Variants in DAW1 observed in about 807,000 individuals in gnomAD.
DAW1 encodes dynein assembly factor with WD repeat domains 1.
DAW1 carries 47 observed loss-of-function variants against 56.5 expected under a neutral mutation model. The ratio of observed to expected loss-of-function variants is 0.83; its 90% CI spans 0.66 to 1.06. DAW1 has a LOEUF of 1.06. Ranked by LOEUF, DAW1 falls within the 50% of genes least tolerant of loss-of-function variation. DAW1 has a pLI of 0.00. For missense variants in DAW1, 505 were observed against 499.3 expected (o/e 1.01, Z -0.11); for synonymous variants, 190 against 179.0 (o/e 1.06, Z -0.49).
rs5839240 is a variant in DAW1, at chr2:227,896,593, A to AGTGTGTGTGT, written c.441-1560_441-1551dup. Reference sequence around the variant, plus strand: ...ACACAATCACCAAAGAATAAGAGGGAGTGTGTGTGTGTGTGTGTGTGTGTG... The same window carrying AGTGTGTGTGT: ...ACACAATCACCAAAGAATAAGAGGGAGTGTGTGTGTGTGTGTGTGTGTGTGTGTGTGTGTG... On this transcript the variant is annotated intron_variant, in intron 5 of 12. Coordinates refer to ENST00000309931, the MANE Select transcript of DAW1 (RefSeq NM_178821.3). 4.5e-3 allele frequency among the ~76,000 whole-genome samples: 649 copies of AGTGTGTGTGT among 143,658 alleles called. 4 individuals are homozygous for AGTGTGTGTGT. Among genetic ancestry groups the AGTGTGTGTGT allele is most frequent in the East Asian group, 0.015 (73 of 4,894 alleles). 94.2% of individuals were successfully genotyped at this position (143,658 alleles called of 152,430 possible). A position where few individuals can be genotyped will look rare whatever the true frequency, so the allele number is the denominator to read the frequency against.
intron 6 of DAW1, among the ~76,000 whole-genome samples, chr2:227,900,805 T>C (rs1691523099): frequency 6.6e-6 from 1 of 152,008 alleles, no homozygotes; most frequent in Non-Finnish European, 1.5e-5. Context: ...TGGCCAGAGG[T>C]GATGGGCAAG....
intron 1 of DAW1, among the ~76,000 whole-genome samples, chr2:227,872,829 A>C (rs1306418594): frequency 2.0e-5 from 3 of 151,338 alleles, no homozygotes; most frequent in African/African-American, 7.3e-5. Context: ...ACCTAGTCCA[A>C]CCCTCCATTC....
At chr2:227,921,722 T>A (rs1258606963) in intron 12 of DAW1, among the ~76,000 whole-genome samples, 161 bp downstream of exon 12, 1 of 152,174 alleles carries the variant, frequency 6.6e-6, no homozygotes, top group African/African-American at 2.4e-5. Flanking sequence ...AATTTTAGTT[T>A]TATGAGGACC....
rs116034985 is a variant in DAW1, at chr2:227,912,207, T to C, written c.973+4955T>C. 1.8e-3 allele frequency: 716 copies of C among 395,414 alleles called. 9 individuals carry two copies. The highest frequency in any genetic ancestry group is 0.014 in the African/African-American group (684 of 47,820). The allele number at this position is 395,414 out of a possible 1,614,324, so 24.5% of individuals were successfully genotyped here. A position where few individuals can be genotyped will look rare whatever the true frequency, so the allele number is the denominator to read the frequency against. Reference sequence around the variant, plus strand: ...TCCATGGTCAACATGTATGATGTTATGCTATATCTATGTCACCTTCTTTCT... The same window carrying C: ...TCCATGGTCAACATGTATGATGTTACGCTATATCTATGTCACCTTCTTTCT... On this transcript the variant is annotated intron_variant, in intron 10 of 12. Coordinates refer to ENST00000309931, the MANE Select transcript of DAW1 (RefSeq NM_178821.3).
intron 6 of DAW1, among the ~76,000 whole-genome samples, chr2:227,900,729 T>A (rs532703436): frequency 6.6e-6 from 1 of 152,204 alleles, no homozygotes; most frequent in South Asian, 2.1e-4. Context: ...ACCCTCCATG[T>A]GGTGGCATGT....
rs546112583 is a variant in DAW1 at position 227,895,935 on chromosome 2, G to A, written c.440+2018G>A. 2.6e-5 allele frequency among the ~76,000 whole-genome samples: 4 copies of A among 152,266 alleles called. No individual in the cohort carries two copies. In the East Asian group the frequency reaches 7.7e-4, roughly 29 times the overall value. On this transcript the variant is annotated intron_variant, in intron 5 of 12. Transcript: ENST00000309931. ...TGATACCATAATACACTCATTGCTTGGGAAGGGGCAGGAAGAATAGAGGAA... is the reference window on the plus strand; with the variant it reads ...TGATACCATAATACACTCATTGCTTAGGAAGGGGCAGGAAGAATAGAGGAA...
intron 10 of DAW1, among the ~76,000 whole-genome samples, chr2:227,914,667 G>C (rs973473482): frequency 1.3e-5 from 2 of 151,874 alleles, no homozygotes; most frequent in East Asian, 1.9e-4. Flanking sequence ...GATCACTTAT[G>C]AGGATACATG....
rs1467502954 is a variant in DAW1, at chr2:227,903,542, G to A, written c.648+433G>A. Among the ~76,000 whole-genome samples, 14 of 152,284 alleles carry A rather than the reference G, an allele frequency of 9.2e-5. No homozygotes were observed. The South Asian group carries it at 2.5e-3, about 27-fold the overall frequency. ...GACAGAGGGGCAAGTGACCAGAGGG[G>A]AAAAGGCCAAAGGGCTCTGCCCACA... On this transcript the variant is annotated intron_variant, in intron 7 of 12. Transcript: ENST00000309931.
At chr2:227,871,964 AGTCT>A (rs1056272302) in intron 1 of DAW1, among the ~76,000 whole-genome samples, 5 of 152,370 alleles carry the variant, frequency 3.3e-5, no homozygotes, top group Admixed American at 3.3e-4. Flanking sequence ...TGTGCATGTC[AGTCT>A]GTCTGCATTT....
At chr2:227,899,033 G>A (rs932236385) in intron 6 of DAW1, among the ~76,000 whole-genome samples, 1 of 152,040 alleles carries the variant, frequency 6.6e-6, no homozygotes, top group Admixed American at 6.6e-5. Flanking sequence ...TCTGATACTC[G>A]AAACAGCTTT....
intron 2 of DAW1, among the ~76,000 whole-genome samples, chr2:227,886,346 G>A (rs1258046251): frequency 2.0e-5 from 3 of 152,146 alleles, no homozygotes; most frequent in Non-Finnish European, 4.4e-5. Flanking sequence ...GCTGGGCGTG[G>A]TTGCTCACAC....
chr2:227,910,495 A>AACACACACACACACACAC (rs55741229), intron 10 of DAW1, among the ~76,000 whole-genome samples: 2,429 of 145,284 alleles, frequency 0.017, 30 homozygotes, highest in Non-Finnish European at 0.025. Flanking sequence ...TTTGTGGATG[A>AACACACACACACACACAC]ACACACACAC....
chr2:227,873,062 T>C (rs2106181766), intron 1 of DAW1, among the ~76,000 whole-genome samples: 1 of 152,328 alleles, frequency 6.6e-6, no homozygotes, highest in East Asian at 1.9e-4. Flanking sequence ...ACCCTCACTA[T>C]ACTTCTGACT....
chr2:227,896,571 C>T (rs749787705), intron 5 of DAW1, among the ~76,000 whole-genome samples: 23 of 150,356 alleles, frequency 1.5e-4, no homozygotes, highest in Non-Finnish European at 3.0e-4. Context: ...AAATTCAACA[C>T]AATCACCAAA....
intron 10 of DAW1, among the ~76,000 whole-genome samples, chr2:227,911,272 ATACACGTG>A (rs1325148519): frequency 1.4e-5 from 2 of 144,932 alleles, no homozygotes; most frequent in Non-Finnish European, 3.0e-5. Flanking sequence ...ATATACACAT[ATACACGTG>A]TATATATACA....
chr2:227,876,846 T>A (rs546821784), intron 1 of DAW1, among the ~76,000 whole-genome samples: 307 of 152,340 alleles, frequency 2.0e-3, no homozygotes, highest in Non-Finnish European at 3.4e-3. Flanking sequence ...GCTAACTCAG[T>A]TATGACAATT....
At chr2:227,909,919 T>C (rs1691776159) in intron 10 of DAW1, among the ~76,000 whole-genome samples, 1 of 152,140 alleles carries the variant, frequency 6.6e-6, no homozygotes, top group Non-Finnish European at 1.5e-5. Context: ...GGGTATCCCT[T>C]AACACAGTCA....
intron 11 of DAW1, among the ~76,000 whole-genome samples, chr2:227,920,128 T>C (rs1416655480): frequency 6.6e-5 from 10 of 152,216 alleles, no homozygotes; most frequent in Non-Finnish European, 1.3e-4. Flanking sequence ...GTGTGTCTCC[T>C]CCATAAGTAA....
rs577625285 is a variant in DAW1, at chr2:227,880,743, T to A, written c.41-4608T>A. ...GAGAAAAATTCCCTCTGAGAGATCATAGCTGTGCAGCTGAGTGGGTAGTGA... is the reference window on the plus strand; with the variant it reads ...GAGAAAAATTCCCTCTGAGAGATCAAAGCTGTGCAGCTGAGTGGGTAGTGA... On this transcript the variant is annotated intron_variant, in intron 1 of 12. Transcript: ENST00000309931. Among the ~76,000 whole-genome samples the A allele has an allele frequency of 5.3e-5, 8 of 152,320 alleles. No individual in the cohort carries two copies. The South Asian group carries it at 1.7e-3, about 32-fold the overall frequency.
Sources: gnomAD v4.1 joint callset for allele counts (sites outside exome capture counted in the v4.1 genomes callset) on GRCh38, gnomAD v4.1.1 for gene constraint, MANE v1.5 for transcripts, NCBI Gene and HGNC (gene_info 2026-07-23, HGNC 2026-07-21) for gene names.